The following SEC16B variants were observed in gnomAD, a reference collection of about 807,000 sequenced individuals.
SEC16B encodes SEC16 homolog B, endoplasmic reticulum export factor, also known as protein transport protein Sec16B.
Under a neutral mutation model 141.8 loss-of-function variants are expected in SEC16B, and 115 were observed. That is an observed-to-expected ratio of 0.81 (90% CI 0.70 to 0.95). The LOEUF is 0.95. Ranked by LOEUF, SEC16B falls within the 40% of genes least tolerant of loss-of-function variation. SEC16B has a pLI of 0.00. For missense variants in SEC16B, 1,291 were observed against 1,312.3 expected (o/e 0.98, Z 0.25); for synonymous variants, 493 against 492.5 (o/e 1.00, Z -0.01).
Position 177,937,224 on chromosome 1 carries a change from G to A in SEC16B, c.2493C>T (p.His831=), listed in dbSNP as rs778156012. Residue 831 remains histidine, a synonymous_variant, in exon 19 of 26, where the codon CAC becomes CAT. Transcript: ENST00000308284. ...GTVWEEMLQT[H]LGPGENTVSQ... is the part of the protein sequence containing the mutation. ...GCGGCCAGGTCTTACCAGGGCCCAG[G>A]TGTGTCTGCAGCATTTCCTCCCAGA... 8.2e-5 allele frequency: 132 copies of A among 1,611,956 alleles called. 4 individuals carry two copies. In the South Asian group the frequency reaches 1.4e-3, roughly 17 times the overall value.
Position 177,932,479 on chromosome 1 carries a change from G to T in SEC16B, c.3012+11C>A. ...TGGGGTCCGAGGCTCCAGCCCAGGG[G>T]GGCCGCTTACCTCTGGTCCAGACAA... On this transcript the variant is annotated intron_variant, in intron 24 of 25. Transcript: ENST00000308284. 1.3e-6 allele frequency: 2 copies of T among 1,524,588 alleles called. No individual in the cohort carries two copies. The highest frequency in any genetic ancestry group is 1.8e-6 in the Non-Finnish European group (2 of 1,134,502). 94.4% of individuals were successfully genotyped at this position (1,524,588 alleles called of 1,614,324 possible). A position where few individuals can be genotyped will look rare whatever the true frequency, so the allele number is the denominator to read the frequency against.
intron 12 of SEC16B, 66 bp from the exon 13 acceptor site, chr1:177,948,008 C>G (rs1651867515): frequency 2.4e-6 from 3 of 1,248,416 alleles, no homozygotes; most frequent in Non-Finnish European, 3.4e-6. Context: ...ATAAAGAAGG[C>G]TGTTGTCTAT....
chr1:177,967,087 C>T (rs1399273941), intron 2 of SEC16B, among the ~76,000 whole-genome samples: 1 of 152,168 alleles, frequency 6.6e-6, no homozygotes, highest in Non-Finnish European at 1.5e-5. Context: ...ATAGAATGAC[C>T]TCACTGCAAC....
Position 177,965,049 on chromosome 1 carries a change from G to C in SEC16B, c.531C>G (p.Phe177Leu), listed in dbSNP as rs1653401482. The C allele has an allele frequency of 6.2e-7, 1 of 1,613,334 alleles. No individual in the cohort carries two copies. ...CTGGCCTCTCCTTTCACACTTACTG[G>C]AAGTGGGTCTCACTATTTGTTCCAA... ...SPFGTNSETH[F>L]QSNSRNPCKD... is the part of the protein sequence containing the mutation. The change falls in exon 4 of 26, where the codon TTC becomes TTG. Residue 177 changes from phenylalanine (F) to leucine (L), a missense_variant and splice_region_variant. This residue lies in a region of SEC16B where 681 missense variants were observed against 675.5 expected (regional missense o/e 1.01). Coordinates refer to ENST00000308284, the MANE Select transcript of SEC16B (RefSeq NM_033127.4).
intron 20 of SEC16B, among the ~76,000 whole-genome samples, chr1:177,935,587 T>C (rs1407688302): frequency 6.6e-6 from 1 of 152,004 alleles, no homozygotes; most frequent in Non-Finnish European, 1.5e-5. Context: ...ACTGTTGGAT[T>C]GAATGATATT....
At chr1:177,949,585 A>AT (rs947877426) in intron 12 of SEC16B, among the ~76,000 whole-genome samples, 9 of 152,178 alleles carry the variant, frequency 5.9e-5, no homozygotes, top group African/African-American at 2.2e-4. Flanking sequence ...TGGGCCAAGC[A>AT]TGATGGTTGA....
intron 24 of SEC16B, among the ~76,000 whole-genome samples, chr1:177,931,520 G>A (rs1284689856): frequency 6.6e-6 from 1 of 152,142 alleles, no homozygotes; most frequent in African/African-American, 2.4e-5. Flanking sequence ...TAAAATGTCA[G>A]AATTCACCAC....
chr1:177,954,501 T>C (rs1652447186), intron 10 of SEC16B, 125 bp from the exon 11 acceptor site: 6 of 692,218 alleles, frequency 8.7e-6, no homozygotes, highest in Non-Finnish European at 1.2e-5. Context: ...TAGAGCCTCA[T>C]ATAAGAATGT....
intron 18 of SEC16B, 51 bp from the exon 19 acceptor site, chr1:177,937,564 G>C: frequency 7.2e-7 from 1 of 1,394,974 alleles, no homozygotes; most frequent in Non-Finnish European, 9.6e-7. Context: ...TGCGGCATTT[G>C]CATACTGATC....
At chr1:177,934,908 A>AC (rs1650722986) in intron 20 of SEC16B, among the ~76,000 whole-genome samples, 1 of 152,118 alleles carries the variant, frequency 6.6e-6, no homozygotes, top group Non-Finnish European at 1.5e-5. Context: ...CGAGCTCCTT[A>AC]CCATGGTCGT....
intron 10 of SEC16B, among the ~76,000 whole-genome samples, chr1:177,957,652 T>C (rs1009113650): frequency 1.3e-5 from 2 of 152,198 alleles, no homozygotes; most frequent in Non-Finnish European, 2.9e-5. Context: ...TTATCCTTTG[T>C]GTTACAAACA....
chr1:177,963,293 C>T (rs1486610593), intron 5 of SEC16B, among the ~76,000 whole-genome samples: 1 of 151,688 alleles, frequency 6.6e-6, no homozygotes. Flanking sequence ...AAGATTAATA[C>T]AAGACTTTCA....
intron 18 of SEC16B, among the ~76,000 whole-genome samples, chr1:177,938,804 A>T (rs1394618061): frequency 1.3e-5 from 2 of 152,242 alleles, no homozygotes; most frequent in South Asian, 4.1e-4. Context: ...TAAAAACCCA[A>T]ATCAGACCAC....
In SEC16B at chr1:177,950,396, G is replaced by A. The variant is rs548872360; in HGVS notation, c.1545+1518C>T. Among the ~76,000 whole-genome samples, 12 of 152,202 alleles carry A rather than the reference G, an allele frequency of 7.9e-5. No homozygotes were observed. In the East Asian group the frequency reaches 1.2e-3, roughly 15 times the overall value. ...AAAACTGGGTCCTGCAGAAAATGTCGGATGGCCTGGAATATGGCCTGGCCC... is the reference window on the plus strand; with the variant it reads ...AAAACTGGGTCCTGCAGAAAATGTCAGATGGCCTGGAATATGGCCTGGCCC... On this transcript the variant is annotated intron_variant, in intron 12 of 25. Transcript: ENST00000308284.
At position 177,932,521 on chromosome 1, in the gene SEC16B, C is replaced by A. The variant is rs765199364; in HGVS notation, c.2981G>T (p.Gly994Val). Residue 994 changes from glycine to valine, a missense_variant, in exon 24 of 26, where the codon GGC becomes GTC. Gly to Val is a moderately radical substitution (Grantham distance 109). Around this residue, in one of 3 missense-constraint regions of SEC16B, gnomAD observed 605 missense variants for 614.1 expected, o/e 0.99. Coordinates refer to ENST00000308284, the MANE Select transcript of SEC16B (RefSeq NM_033127.4). ...GSASSGGAAAGAGVGGLSGPE... is the reference protein window; with the variant it reads ...GSASSGGAAAVAGVGGLSGPE... ...TCCAGACAAGCCTCCAACCCCAGCG[C>A]CCGCAGCTGCTCCCCCGCTGGATGC... The A allele has an allele frequency of 6.4e-7, 1 of 1,556,502 alleles. No homozygotes were observed. The highest frequency in any genetic ancestry group is 8.7e-7 in the Non-Finnish European group (1 of 1,150,536).
chr1:177,933,190 T>A, intron 22 of SEC16B, 24 bp downstream of exon 22: 1 of 1,522,948 alleles, frequency 6.6e-7, no homozygotes, highest in Non-Finnish European at 8.9e-7. Flanking sequence ...GAGAGGGGCA[T>A]CCTCCCCCTC....
At chr1:177,977,546 T>C (rs540935415) in intron 1 of SEC16B, among the ~76,000 whole-genome samples, 1 of 152,208 alleles carries the variant, frequency 6.6e-6, no homozygotes, top group Non-Finnish European at 1.5e-5. Context: ...CAGCTCCATA[T>C]AGAAACACAA....
At chr1:177,977,054 C>A (rs1186931993) in intron 1 of SEC16B, among the ~76,000 whole-genome samples, 1 of 152,120 alleles carries the variant, frequency 6.6e-6, no homozygotes, top group Non-Finnish European at 1.5e-5. Flanking sequence ...TTAATAGTAT[C>A]TTAATTTAAA....
chr1:177,974,956 A>C (rs1557997202), upstream of SEC16B, among the ~76,000 whole-genome samples: 3 of 152,344 alleles, frequency 2.0e-5, no homozygotes, highest in Admixed American at 2.0e-4. Flanking sequence ...TAAATCAGGG[A>C]AAAAGAGGTG....
Sources: allele counts gnomAD v4.1 joint callset (sites outside exome capture counted in the v4.1 genomes callset), GRCh38; gene constraint gnomAD v4.1.1; regional missense constraint gnomAD v4.1.1; transcripts MANE v1.5; gene names NCBI Gene and HGNC (gene_info 2026-07-23, HGNC 2026-07-21).